The following ZSWIM4 variants were observed in gnomAD, a reference collection of about 807,000 sequenced individuals.
The protein encoded by ZSWIM4 is zinc finger SWIM domain-containing protein 4.
ZSWIM4 carries 62 observed loss-of-function variants against 102.5 expected under a neutral mutation model. The observed-to-expected ratio is 0.60, with a 90% CI of 0.49 to 0.75. The LOEUF (loss-of-function observed/expected upper bound fraction) is 0.75. ZSWIM4 is among the 30% of genes least tolerant of loss of function. The pLI, the probability that ZSWIM4 is intolerant of heterozygous loss-of-function variation, is 0.00. For synonymous variants in ZSWIM4, 652 were observed against 674.5 expected, an observed-to-expected ratio of 0.97 and a Z score of 0.52; for missense variants, 1,280 against 1,529.6, an observed-to-expected ratio of 0.84 and a Z score of 2.72.
intron 10 of ZSWIM4, among the ~76,000 whole-genome samples, chr19:13,822,754 C>A (rs932874637): frequency 6.6e-6 from 1 of 152,030 alleles, no homozygotes; most frequent in Non-Finnish European, 1.5e-5. Context: ...CCGAGGAGGG[C>A]GGATCACCTA....
At position 13,825,519 on chromosome 19, in the gene ZSWIM4, G is replaced by A. The variant is rs772847930; in HGVS notation, c.2216-31G>A. On this transcript the variant is annotated intron_variant, in intron 11 of 13. Transcript: ENST00000590508. The surrounding 1 kb of genome is among the most constrained non-coding windows in gnomAD (Gnocchi z 4.6). ...CAGAGGCTGGTGCTGAGGTGTATCC[G>A]ATGGTGTCCTCTGTCCCGCCCTTCA... The A allele has an allele frequency of 6.8e-6, 11 of 1,606,356 alleles. No homozygotes were observed. Among genetic ancestry groups the A allele is most frequent in the South Asian group, 5.5e-5 (5 of 90,456 alleles).
At chr19:13,800,141 C>CACTGCAAG (rs1259108885) in intron 2 of ZSWIM4, among the ~76,000 whole-genome samples, 5 of 142,602 alleles carry the variant, frequency 3.5e-5, no homozygotes, top group African/African-American at 1.4e-4. Flanking sequence ...GATCTCGGCT[C>CACTGCAAG]ACTGCAAGCT....
chr19:13,821,764 G>C (rs183868615), intron 10 of ZSWIM4, among the ~76,000 whole-genome samples: 1 of 151,712 alleles, frequency 6.6e-6, no homozygotes, highest in African/African-American at 2.4e-5. Flanking sequence ...TCTCGCCCAG[G>C]CTGGAGTGCA....
chr19:13,813,650 G>T (rs1331288851), intron 6 of ZSWIM4, among the ~76,000 whole-genome samples: 1 of 152,058 alleles, frequency 6.6e-6, no homozygotes, highest in African/African-American at 2.4e-5. Flanking sequence ...GCCAGGCATG[G>T]TGTCTCACGC....
At chr19:13,805,216 G>C in intron 3 of ZSWIM4, 68 bp downstream of exon 3, 1 of 1,378,388 alleles carries the variant, frequency 7.3e-7, no homozygotes, top group Non-Finnish European at 1.0e-6. Flanking sequence ...CTTGCTGTGT[G>C]CCCAGTGCTG....
intron 10 of ZSWIM4, 53 bp downstream of exon 10, chr19:13,819,545 G>T: frequency 6.5e-7 from 1 of 1,534,762 alleles, no homozygotes. Flanking sequence ...GAAGAGGGGC[G>T]GGCATGGGGG....
intron 1 of ZSWIM4, among the ~76,000 whole-genome samples, chr19:13,796,182 C>G (rs1320816689): frequency 3.3e-5 from 5 of 149,884 alleles, no homozygotes; most frequent in Non-Finnish European, 7.4e-5. Context: ...CCACCTTATC[C>G]CCCAACGGTA....
intron 2 of ZSWIM4, among the ~76,000 whole-genome samples, chr19:13,800,783 G>A (rs1974750341): frequency 6.6e-6 from 1 of 152,150 alleles, no homozygotes; most frequent in Non-Finnish European, 1.5e-5. Flanking sequence ...GGGGTTGGGG[G>A]AGAGGATGGT....
chr19:13,820,752 A>G (rs944652151), intron 10 of ZSWIM4, among the ~76,000 whole-genome samples: 2 of 152,214 alleles, frequency 1.3e-5, no homozygotes, highest in Non-Finnish European at 2.9e-5. Flanking sequence ...TACCAGTGGT[A>G]CATCCTGTAT....
In ZSWIM4 at chr19:13,817,277, G is replaced by A; in HGVS notation, c.1593G>A (p.Leu531=). ...TNTEGWVGHP[L]DPIGCLCRAL... ...CCGAAGGATGGGTGGGGCACCCCCT[G>A]GACCCCATTGGCTGCCTCTGCAGGG... is the stretch of plus-strand genomic sequence containing the variant. The change falls in exon 8 of 14, where the codon CTG becomes CTA. Residue 531 remains leucine (L), a synonymous_variant. Coordinates refer to ENST00000590508, the MANE Select transcript of ZSWIM4 (RefSeq NM_001367834.3). 5 of 1,614,086 alleles carry A rather than the reference G, an allele frequency of 3.1e-6. No individual in the cohort carries two copies. Among genetic ancestry groups the A allele is most frequent in the Non-Finnish European group, 4.2e-6 (5 of 1,179,934 alleles).
chr19:13,799,737 C>T lies in ZSWIM4; in HGVS notation c.171C>T (p.Ser57=), dbSNP rs771233080. The T allele has an allele frequency of 2.5e-6, 4 of 1,614,046 alleles. No individual in the cohort carries two copies. In the Admixed American group the frequency reaches 6.7e-5, roughly 27 times the overall value. The change falls in exon 2 of 14, where the codon TCC becomes TCT. Residue 57 remains serine, a synonymous_variant. Transcript: ENST00000590508. ...TCCTACAGGTGGAGGAGCGGTTCTC[C>T]CGGGTGCCTGAGCCCGTCCAGAAGC... is the stretch of plus-strand genomic sequence containing the variant. ...WAFEQVEERF[S]RVPEPVQKRI...
intron 12 of ZSWIM4, among the ~76,000 whole-genome samples, chr19:13,827,418 CA>C (rs375478204): frequency 1.3e-5 from 2 of 151,624 alleles, no homozygotes; most frequent in African/African-American, 4.9e-5. Flanking sequence ...CTGGCCAACA[CA>C]GCAAAAACCC....
intron 9 of ZSWIM4, among the ~76,000 whole-genome samples, chr19:13,818,730 A>C (rs148871540): frequency 0.014 from 2,137 of 148,622 alleles, 53 homozygotes; most frequent in African/African-American, 0.051. Context: ...CACCCGGCTG[A>C]TTTTTGTATT....
Position 13,807,754 on chromosome 19 carries a change from CATGGATGGATGG to C in ZSWIM4, c.713-1053_713-1042del, listed in dbSNP as rs368459784. On this transcript the variant is annotated intron_variant, in intron 3 of 13. Transcript: ENST00000590508. ...GGACAGATGGATGCATGGATGGATG[CATGGATGGATGG>C]ATGGATGGATGGATGGATGGATGGA... Among the ~76,000 whole-genome samples the C allele has an allele frequency of 1.8e-4, 25 of 139,312 alleles. 1 individual carries two copies. Among genetic ancestry groups the C allele is most frequent in the South Asian group, 9.5e-4 (4 of 4,226 alleles). The allele number at this position is 139,312 out of a possible 152,430, so 91.4% of individuals were successfully genotyped here. A position where few individuals can be genotyped will look rare whatever the true frequency, so the allele number is the denominator to read the frequency against.
intron 5 of ZSWIM4, 116 bp from the exon 6 acceptor site, chr19:13,812,881 C>A: frequency 2.5e-6 from 3 of 1,185,394 alleles, no homozygotes; most frequent in Non-Finnish European, 3.6e-6. Flanking sequence ...GTTGCAACTT[C>A]CGAGGGTCGA....
intron 7 of ZSWIM4, among the ~76,000 whole-genome samples, chr19:13,816,063 G>T (rs975728469): frequency 4.0e-5 from 6 of 150,786 alleles, no homozygotes; most frequent in African/African-American, 1.2e-4. Context: ...AGGAAGGAAG[G>T]GAGGGAGGGA....
At chr19:13,816,046 G>A (rs1975277067) in intron 7 of ZSWIM4, among the ~76,000 whole-genome samples, 1 of 147,894 alleles carries the variant, frequency 6.8e-6, no homozygotes. Flanking sequence ...GGGGGAGAGA[G>A]AGGGGAAGGA....
chr19:13,805,996 CA>C lies in ZSWIM4; in HGVS notation c.712+849del, dbSNP rs201421598. On this transcript the variant is annotated intron_variant, in intron 3 of 13. Transcript: ENST00000590508. ...CAAAAAAAAAAAAAGCGTTCATGAT[CA>C]GTCACTGAGGGCAACTGATGGTGTG... Among the ~76,000 whole-genome samples, 1,454 of 147,844 alleles carry C rather than the reference CA, an allele frequency of 9.8e-3. 19 individuals carry two copies. Among genetic ancestry groups the C allele is most frequent in the African/African-American group, 0.035 (1,401 of 40,462 alleles).
intron 1 of ZSWIM4, chr19:13,796,827 C>T (rs1244482629): frequency 1.3e-5 from 2 of 152,370 alleles, no homozygotes; most frequent in Non-Finnish European, 2.9e-5. Flanking sequence ...GCTCTATCCT[C>T]TGTCCAGCTT....
Sources: gnomAD v4.1 joint callset for allele counts (sites outside exome capture counted in the v4.1 genomes callset) on GRCh38, gnomAD v4.1.1 for gene constraint, Gnocchi (gnomAD v3.1) non-coding constraint, MANE v1.5 for transcripts, NCBI Gene and HGNC (gene_info 2026-07-23, HGNC 2026-07-21) for gene names.